FRRS1: variants seen among roughly 807,000 people sequenced by gnomAD.
FRRS1 encodes the protein ferric reductase 1.
In FRRS1, 51 loss-of-function variants were observed where a neutral mutation model predicts 70.7. The observed-to-expected ratio is 0.72, with a 90% confidence interval of 0.58 to 0.91. FRRS1 has a LOEUF of 0.91. Ranked by LOEUF, FRRS1 falls within the 40% of genes least tolerant of loss-of-function variation. The probability of loss-of-function intolerance (pLI) is 0.00; values close to 1 mark genes in which losing one functional copy is unlikely to be tolerated. For synonymous variants in FRRS1, 225 were observed against 238.7 expected, an observed-to-expected ratio of 0.94 and a Z score of 0.53; for missense variants, 672 against 726.0, an observed-to-expected ratio of 0.93 and a Z score of 0.86.
chr1:99,709,327 A>G lies in FRRS1; in HGVS notation c.1625-68T>C, dbSNP rs578132278. Reference sequence around the variant, plus strand: ...CAGGTAAATTAAATTTTTTAAAAAAACCTGATTTGTACTGTTCACCCCAAT... The same window carrying G: ...CAGGTAAATTAAATTTTTTAAAAAAGCCTGATTTGTACTGTTCACCCCAAT... On this transcript the variant is annotated intron_variant, in intron 15 of 16. Coordinates refer to ENST00000646001, the MANE Select transcript of FRRS1 (RefSeq NM_001361041.2). 35 of 1,150,856 alleles carry G rather than the reference A, an allele frequency of 3.0e-5. No individual in the cohort carries two copies. The Middle Eastern group carries it at 8.5e-4, about 28-fold the overall frequency. The allele number at this position is 1,150,856 out of a possible 1,614,324, so 71.3% of individuals were successfully genotyped here.
At chr1:99,726,865 C>G (rs974762784) in intron 9 of FRRS1, among the ~76,000 whole-genome samples, 8 of 152,184 alleles carry the variant, frequency 5.3e-5, no homozygotes, top group Non-Finnish European at 1.0e-4. Context: ...CACTACCACA[C>G]CCAGCTAATT....
At chr1:99,734,540 T>C (rs1375329489) in intron 7 of FRRS1, among the ~76,000 whole-genome samples, 1 of 152,114 alleles carries the variant, frequency 6.6e-6, no homozygotes, top group Non-Finnish European at 1.5e-5. Context: ...TTTATTGAGG[T>C]TTAAAACTTT....
Position 99,709,200 on chromosome 1 carries a change from C to G in FRRS1, c.1684G>C (p.Glu562Gln), listed in dbSNP as rs1654160819. 1 of 1,609,548 alleles carries G rather than the reference C, an allele frequency of 6.2e-7. No individual in the cohort carries two copies. ...ILQSFTAVETEGHAFKKAVLA... is the reference protein window; with the variant it reads ...ILQSFTAVETQGHAFKKAVLA... ...CAATGAACAAGAAAAGGACTTACCT[C>G]TGTTTCCACTGCAGTAAATGACTGA... The change falls in exon 16 of 17, where the codon GAG (glutamate) becomes CAG (glutamine). Residue 562 changes from glutamate to glutamine, a missense_variant and splice_region_variant. Coordinates refer to ENST00000646001, the MANE Select transcript of FRRS1 (RefSeq NM_001361041.2).
At chr1:99,731,997 A>C (rs1020873837) in intron 7 of FRRS1, among the ~76,000 whole-genome samples, 1 of 152,216 alleles carries the variant, frequency 6.6e-6, no homozygotes, top group Non-Finnish European at 1.5e-5. Context: ...CATGTTTTCT[A>C]TAATATCCAT....
chr1:99,761,035 A>T (rs1657092774), intron 1 of FRRS1, among the ~76,000 whole-genome samples: 1 of 152,178 alleles, frequency 6.6e-6, no homozygotes, highest in African/African-American at 2.4e-5. Context: ...ACACTGGGAA[A>T]ACAAAGTAAT....
intron 1 of FRRS1, among the ~76,000 whole-genome samples, chr1:99,752,652 TG>T (rs1179205059): frequency 2.0e-5 from 3 of 152,326 alleles, no homozygotes; most frequent in Admixed American, 6.5e-5. Flanking sequence ...GGCTCACACC[TG>T]TAATCCCCGC....
In FRRS1 at chr1:99,708,619, AAAAAAAATATAT is replaced by A. The variant is rs1654116129; in HGVS notation, c.*397_*408del. The A allele has an allele frequency of 1.2e-5, 1 of 85,144 alleles. No homozygotes were observed. The highest frequency in any genetic ancestry group is 2.1e-5 in the Non-Finnish European group (1 of 47,390). 5.3% of individuals were successfully genotyped at this position (85,144 alleles called of 1,614,324 possible). ...TCTCAAAAAAAAAAAAAAAAAAAAA[AAAAAAAATATAT>A]ATATATATATATATATATATATATA... is the stretch of plus-strand genomic sequence containing the variant. On this transcript the variant is annotated 3_prime_UTR_variant, in exon 17 of 17. Coordinates refer to ENST00000646001, the MANE Select transcript of FRRS1 (RefSeq NM_001361041.2).
intron 8 of FRRS1, among the ~76,000 whole-genome samples, chr1:99,729,441 G>T (rs1183926950): frequency 6.6e-6 from 1 of 152,228 alleles, no homozygotes; most frequent in Admixed American, 6.5e-5. Context: ...ACACAAGCAA[G>T]AATTCATCTT....
At chr1:99,736,607 C>T (rs940732217) in intron 7 of FRRS1, among the ~76,000 whole-genome samples, 8 of 111,620 alleles carry the variant, frequency 7.2e-5, no homozygotes, top group African/African-American at 3.1e-4. Context: ...CATCACACTC[C>T]GGGGACTGTT....
intron 6 of FRRS1, among the ~76,000 whole-genome samples, chr1:99,739,125 T>C (rs895353336): frequency 2.0e-5 from 3 of 152,184 alleles, no homozygotes; most frequent in Middle Eastern, 3.2e-3. Flanking sequence ...TCCCCTTCCC[T>C]ACATCATGTT....
chr1:99,733,012 T>G (rs1655473044), intron 7 of FRRS1, among the ~76,000 whole-genome samples: 1 of 151,834 alleles, frequency 6.6e-6, no homozygotes, highest in Non-Finnish European at 1.5e-5. Context: ...CCCAGCTAAT[T>G]TTTTATGAAT....
intron 12 of FRRS1, among the ~76,000 whole-genome samples, chr1:99,714,333 G>A (rs890903122): frequency 5.3e-5 from 8 of 151,896 alleles, no homozygotes; most frequent in Non-Finnish European, 8.8e-5. Flanking sequence ...ACAGGCGTGC[G>A]CCACCACGCC....
chr1:99,726,803 C>T (rs1427465663), intron 9 of FRRS1, among the ~76,000 whole-genome samples: 2 of 152,182 alleles, frequency 1.3e-5, no homozygotes, highest in Non-Finnish European at 2.9e-5. Flanking sequence ...ACCTCCTGGG[C>T]TCGGGCAATC....
intron 1 of FRRS1, among the ~76,000 whole-genome samples, chr1:99,755,182 G>T (rs1303219657): frequency 6.6e-6 from 1 of 152,000 alleles, no homozygotes; most frequent in Admixed American, 6.6e-5. Context: ...CACTTTGGGA[G>T]ACTAAAGCCG....
rs1220348031 is a variant in FRRS1 at position 99,754,274 on chromosome 1, TA to T, written c.-105-5274del. Among the ~76,000 whole-genome samples, 4 of 152,192 alleles carry T rather than the reference TA, an allele frequency of 2.6e-5. No individual in the cohort carries two copies. The East Asian group carries it at 7.7e-4, about 29-fold the overall frequency. On this transcript the variant is annotated intron_variant, in intron 1 of 16. Transcript: ENST00000646001. ...TGAGGCCAGGAATTCGAGACCAGCC[TA>T]GGCAACATAATGAGACTGTCTGTAA... is the stretch of plus-strand genomic sequence containing the variant.
intron 4 of FRRS1, 92 bp downstream of exon 4, chr1:99,747,202 T>C (rs1202182671): frequency 1.5e-5 from 15 of 988,276 alleles, no homozygotes; most frequent in Non-Finnish European, 2.1e-5. Context: ...CTGGGGGGAG[T>C]CAAAAGTTAT....
chr1:99,715,654 A>C lies in FRRS1; in HGVS notation c.1255T>G (p.Phe419Val). 1 of 1,613,044 alleles carries C rather than the reference A, an allele frequency of 6.2e-7. No homozygotes were observed. Among genetic ancestry groups the C allele is most frequent in the South Asian group, 1.1e-5 (1 of 91,062 alleles). The change falls in exon 12 of 17, where the codon TTC becomes GTC. Residue 419 changes from phenylalanine to valine, a missense_variant. Physicochemically the swap from Phe to Val is conservative, Grantham distance 50. Coordinates refer to ENST00000646001, the MANE Select transcript of FRRS1 (RefSeq NM_001361041.2). The part of the protein sequence containing the change: ...AWFQVHRMLM[F>V]TTTVLTCIAF... Reference sequence around the variant, plus strand: ...ATGCAGGTGAGGACAGTTGTGGTGAACATGAGCATCCGATGCACCTGCAAG... The same window carrying C: ...ATGCAGGTGAGGACAGTTGTGGTGACCATGAGCATCCGATGCACCTGCAAG...
At chr1:99,758,249 T>C (rs1656939240) in intron 1 of FRRS1, among the ~76,000 whole-genome samples, 1 of 152,234 alleles carries the variant, frequency 6.6e-6, no homozygotes, top group South Asian at 2.1e-4. Context: ...ATGCAGTTGC[T>C]TGCATGACTC....
chr1:99,715,918 GCA>G (rs1367612718), intron 11 of FRRS1, among the ~76,000 whole-genome samples: 1 of 152,026 alleles, frequency 6.6e-6, no homozygotes, highest in Non-Finnish European at 1.5e-5. Context: ...GACTTCACTT[GCA>G]CAGAGCAGCA....
Sources: allele counts gnomAD v4.1 joint callset (sites outside exome capture counted in the v4.1 genomes callset), GRCh38; gene constraint gnomAD v4.1.1; transcripts MANE v1.5; gene names NCBI Gene and HGNC (gene_info 2026-07-23, HGNC 2026-07-21).